ALMS1: variants seen among roughly 807,000 people sequenced by gnomAD.
The protein encoded by ALMS1 is centrosome-associated protein ALMS1.
ALMS1 carries 271 observed loss-of-function variants against 352.2 expected under a neutral mutation model. The ratio of observed to expected loss-of-function variants is 0.77; its 90% CI spans 0.70 to 0.85. The LOEUF is 0.85. Ranked by LOEUF, ALMS1 falls within the 40% of genes least tolerant of loss-of-function variation. The pLI is 0.00. For synonymous variants in ALMS1, 1,865 were observed against 1,761.2 expected (o/e 1.06, Z -1.48); for missense variants, 5,445 against 4,870.7 (o/e 1.12, Z -3.51).
chr2:73,569,137 C>T (rs2104095190), intron 15 of ALMS1, among the ~76,000 whole-genome samples: 1 of 150,534 alleles, frequency 6.6e-6, no homozygotes, highest in Non-Finnish European at 1.5e-5. Flanking sequence ...TCCTCAGCCA[C>T]CACAGTAGCT....
At chr2:73,465,340 T>C (rs1459400400) in intron 9 of ALMS1, among the ~76,000 whole-genome samples, 9 of 152,156 alleles carry the variant, frequency 5.9e-5, no homozygotes, top group African/African-American at 2.2e-4. Flanking sequence ...GCCACATATC[T>C]ACAACCATCT....
intron 5 of ALMS1, among the ~76,000 whole-genome samples, chr2:73,425,260 A>T (rs951015224): frequency 6.6e-6 from 1 of 152,182 alleles, no homozygotes; most frequent in African/African-American, 2.4e-5. Context: ...TATGAAAGAA[A>T]TGAAGAAGGT....
intron 16 of ALMS1, among the ~76,000 whole-genome samples, chr2:73,594,121 CTATGTT>C (rs1675495249): frequency 1.3e-5 from 2 of 152,160 alleles, no homozygotes; most frequent in African/African-American, 4.8e-5. Flanking sequence ...TATGACAACT[CTATGTT>C]TAACCATTTG....
chr2:73,602,307 A>C lies in ALMS1; in HGVS notation c.12237A>C (p.Leu4079=). 1 of 1,614,234 alleles carries C rather than the reference A, an allele frequency of 6.2e-7. No homozygotes were observed. The highest frequency in any genetic ancestry group is 8.5e-7 in the Non-Finnish European group (1 of 1,180,030). The change falls in exon 20 of 23, where the codon CTA becomes CTC. Residue 4079 remains leucine, a synonymous_variant. Coordinates refer to ENST00000613296, the MANE Select transcript of ALMS1 (RefSeq NM_001378454.1). ...QSMLQTERDA[L]FNIDRERQGH... is the part of the protein sequence containing the mutation. ...TGTTACAGACCGAGCGGGATGCACT[A>C]TTCAACATTGACAGGGAACGGCAGG...
In ALMS1 at chr2:73,449,805, C is replaced by A. The variant is rs766187468; in HGVS notation, c.3278C>A (p.Pro1093Gln). The A allele has an allele frequency of 6.2e-7, 1 of 1,613,920 alleles. No homozygotes were observed. Among genetic ancestry groups the A allele is most frequent in the East Asian group, 2.2e-5 (1 of 44,892 alleles). The change falls in exon 8 of 23, where the codon CCG becomes CAG. Residue 1093 changes from proline (P) to glutamine (Q), a missense_variant. By Grantham distance (76) the Pro-to-Gln change is moderately conservative. Transcript: ENST00000613296. ...ADQMTDTPAVPSTFYSQREKP... is the reference protein window; with the variant it reads ...ADQMTDTPAVQSTFYSQREKP... ...CAGATGACTGACACACCAGCAGTAC[C>A]GTCTACTTTCTACTCACAAAGAGAG...
intron 12 of ALMS1, among the ~76,000 whole-genome samples, chr2:73,536,847 T>A (rs1674039921): frequency 1.3e-5 from 2 of 151,990 alleles, no homozygotes; most frequent in Non-Finnish European, 2.9e-5. Flanking sequence ...ACCCAGGGAG[T>A]ATTTATTCAA....
intron 7 of ALMS1, among the ~76,000 whole-genome samples, chr2:73,442,935 C>T (rs1391753914): frequency 1.3e-5 from 2 of 152,178 alleles, no homozygotes; most frequent in Non-Finnish European, 2.9e-5. Flanking sequence ...TAAACCTACT[C>T]TTCCTTCTCT....
rs1672945672 is a variant in ALMS1, at chr2:73,490,139, C to G, written c.8180C>G (p.Ser2727Cys). The G allele has an allele frequency of 1.2e-6, 2 of 1,614,030 alleles. No individual in the cohort carries two copies. Among genetic ancestry groups the G allele is most frequent in the African/African-American group, 1.3e-5 (1 of 74,910 alleles). Residue 2727 changes from serine (S) to cysteine (C), a missense_variant, in exon 10 of 23, where the codon TCC (serine) becomes TGC (cysteine). Coordinates refer to ENST00000613296, the MANE Select transcript of ALMS1 (RefSeq NM_001378454.1). ...FSSHRHSKCI[S>C]NSSVVKVGVT... Reference sequence around the variant, plus strand: ...TCTCACCGACATTCTAAATGCATTTCCAATTCCTCTGTTGTTAAGGTTGGT... The same window carrying G: ...TCTCACCGACATTCTAAATGCATTTGCAATTCCTCTGTTGTTAAGGTTGGT...
intron 16 of ALMS1, among the ~76,000 whole-genome samples, chr2:73,580,883 C>A (rs1421648372): frequency 6.6e-6 from 1 of 152,064 alleles, no homozygotes; most frequent in Admixed American, 6.6e-5. Context: ...ATGCCTGGGG[C>A]CGAAAAAAGC....
intron 14 of ALMS1, among the ~76,000 whole-genome samples, chr2:73,557,667 C>T (rs1426792148): frequency 1.3e-5 from 2 of 152,172 alleles, no homozygotes; most frequent in South Asian, 2.1e-4. Context: ...TCTCTCAATT[C>T]TGTGAGACAC....
intron 6 of ALMS1, among the ~76,000 whole-genome samples, chr2:73,427,858 G>A (rs1393276192): frequency 6.6e-6 from 1 of 152,110 alleles, no homozygotes; most frequent in Admixed American, 6.6e-5. Flanking sequence ...ATTAAATACA[G>A]TTAGATAAAA....
chr2:73,450,211 G>T lies in ALMS1; in HGVS notation c.3684G>T (p.Lys1228Asn), dbSNP rs1397161014. ...VSPVLGPADQ[K>N]TGTPTPTSAS... Reference sequence around the variant, plus strand: ...CTGTTCTTGGACCAGCTGACCAGAAGACTGGGACACCAACTCCAACCTCTG... The same window carrying T: ...CTGTTCTTGGACCAGCTGACCAGAATACTGGGACACCAACTCCAACCTCTG... Residue 1228 changes from lysine to asparagine, a missense_variant, in exon 8 of 23, where the codon AAG becomes AAT. Physicochemically the swap from Lys to Asn is moderately conservative, Grantham distance 94. Transcript: ENST00000613296. 1 of 1,613,916 alleles carries T rather than the reference G, an allele frequency of 6.2e-7. No homozygotes were observed. The highest frequency in any genetic ancestry group is 1.3e-5 in the African/African-American group (1 of 74,890).
intron 1 of ALMS1, among the ~76,000 whole-genome samples, chr2:73,390,972 T>A (rs1225307255): frequency 6.6e-6 from 1 of 152,062 alleles, no homozygotes; most frequent in Admixed American, 6.6e-5. Context: ...GGTTTCACCA[T>A]GTTGGCCAGG....
chr2:73,504,808 G>A (rs1370728065), intron 10 of ALMS1, among the ~76,000 whole-genome samples: 1 of 151,906 alleles, frequency 6.6e-6, no homozygotes, highest in Admixed American at 6.6e-5. Flanking sequence ...GTATACATGT[G>A]CCATGGTGGT....
intron 2 of ALMS1, among the ~76,000 whole-genome samples, chr2:73,417,836 A>C (rs1671206404): frequency 6.6e-6 from 1 of 152,208 alleles, no homozygotes; most frequent in Non-Finnish European, 1.5e-5. Flanking sequence ...TTAAATTCAA[A>C]AGGAAAATAC....
At chr2:73,591,033 C>T (rs968517393) in intron 16 of ALMS1, among the ~76,000 whole-genome samples, 1 of 151,974 alleles carries the variant, frequency 6.6e-6, no homozygotes, top group Non-Finnish European at 1.5e-5. Flanking sequence ...TGATCTCAAA[C>T]TCCTGGCCTC....
In ALMS1 at chr2:73,452,296, TC is replaced by T. The variant is rs1558650493; in HGVS notation, c.5771del (p.Pro1924LeufsTer15). ...TEEALNVFVVPGQGDRKTEIP... is the reference protein window; with the variant it reads ...TEEALNVFVVXGQGDRKTEIP... ...AAGAAGCTTTAAATGTTTTTGTTGT[TC>T]CTGGACAAGGTGACCGGAAGACTGA... On this transcript the variant is annotated frameshift_variant, in exon 8 of 23. Coordinates refer to ENST00000613296, the MANE Select transcript of ALMS1 (RefSeq NM_001378454.1). LOFTEE classifies it high-confidence loss of function. 1 of 1,614,072 alleles carries T rather than the reference TC, an allele frequency of 6.2e-7. No individual in the cohort carries two copies. The highest frequency in any genetic ancestry group is 2.2e-5 in the East Asian group (1 of 44,880).
chr2:73,450,460 G>T lies in ALMS1; in HGVS notation c.3933G>T (p.Lys1311Asn). The part of the protein sequence containing the change: ...LPSSHLTEEA[K>N]NVSAVPGPAD... ...GTAGTCATCTAACTGAAGAGGCTAA[G>T]AATGTTTCAGCGGTTCCTGGACCAG... The change falls in exon 8 of 23, where the codon AAG becomes AAT. Residue 1311 changes from lysine to asparagine, a missense_variant. By Grantham distance (94) the Lys-to-Asn change is moderately conservative. Coordinates refer to ENST00000613296, the MANE Select transcript of ALMS1 (RefSeq NM_001378454.1). The T allele has an allele frequency of 6.2e-7, 1 of 1,613,696 alleles. No individual in the cohort carries two copies. The highest frequency in any genetic ancestry group is 8.5e-7 in the Non-Finnish European group (1 of 1,179,942).
Position 73,451,132 on chromosome 2 carries a change from A to G in ALMS1, c.4605A>G (p.Gln1535=), listed in dbSNP as rs144720929. The G allele has an allele frequency of 7.2e-4, 1,155 of 1,613,796 alleles. 4 individuals are homozygous for G. The African/African-American group carries it at 0.013, about 18-fold the overall frequency. The change falls in exon 8 of 23, where the codon CAA becomes CAG. Residue 1535 remains glutamine, a synonymous_variant. Transcript: ENST00000613296. ...GAGCAAAGTCTGGCAGTTTCTACCA[A>G]CTGGCATTGCTAGGTAGTCAAATAC... is the stretch of plus-strand genomic sequence containing the variant. ...QHRAKSGSFY[Q]LALLGSQIPE...
Sources: gnomAD v4.1 joint callset for allele counts (sites outside exome capture counted in the v4.1 genomes callset) on GRCh38, gnomAD v4.1.1 for gene constraint, MANE v1.5 for transcripts, NCBI Gene and HGNC (gene_info 2026-07-23, HGNC 2026-07-21) for gene names.